PPID: variants seen among roughly 807,000 people sequenced by gnomAD.
PPID encodes the protein peptidyl-prolyl cis-trans isomerase D.
A neutral mutation model predicts 48.1 loss-of-function variants in PPID; 47 were observed. The observed-to-expected ratio is 0.98, with a 90% CI of 0.77 to 1.25. PPID has a LOEUF of 1.25. Ranked by LOEUF, PPID falls within the 50% of genes most tolerant of loss-of-function variation. PPID has a pLI of 0.00. For synonymous variants in PPID, 163 were observed against 148.8 expected, an observed-to-expected ratio of 1.10 and a Z score of -0.69; for missense variants, 429 against 443.5, an observed-to-expected ratio of 0.97 and a Z score of 0.29.
intron 1 of PPID, 116 bp from the exon 2 acceptor site, chr4:158,721,599 C>A (rs1267878528): frequency 3.2e-6 from 4 of 1,257,106 alleles, no homozygotes; most frequent in Non-Finnish European, 4.3e-6. Context: ...TTCCCCTTTA[C>A]TGTAATTTTT....
At chr4:158,712,356 C>T (rs548362564) in intron 7 of PPID, among the ~76,000 whole-genome samples, 2 of 152,294 alleles carry the variant, frequency 1.3e-5, no homozygotes, top group African/African-American at 2.4e-5. Context: ...TCCTGAATCA[C>T]TTATTAAGCT....
intron 2 of PPID, among the ~76,000 whole-genome samples, 182 bp from the exon 3 acceptor site, chr4:158,719,468 C>G (rs1774922223): frequency 1.3e-5 from 2 of 152,292 alleles, no homozygotes; most frequent in South Asian, 4.1e-4. Flanking sequence ...CATCTGAATC[C>G]AACCTATTTT....
intron 9 of PPID, 50 bp from the exon 10 acceptor site, chr4:158,709,874 T>C: frequency 6.9e-7 from 1 of 1,440,384 alleles, no homozygotes; most frequent in Non-Finnish European, 9.7e-7. Flanking sequence ...ATCCAAAAAA[T>C]TATGGTGACT....
Position 158,723,358 on chromosome 4 carries a change from A to G in PPID, c.-70T>C, listed in dbSNP as rs1297801264. 7 of 1,467,432 alleles carry G rather than the reference A, an allele frequency of 4.8e-6. No individual in the cohort carries two copies. The East Asian group carries it at 1.2e-4, about 24-fold the overall frequency. 90.9% of individuals were successfully genotyped at this position (1,467,432 alleles called of 1,614,324 possible). ...TGGCCGCCCGGGCCGCCCAAACTCC[A>G]GAGTCCGTCTCCGCCGGAGACCGGC... On this transcript the variant is annotated 5_prime_UTR_variant, in exon 1 of 10. Coordinates refer to ENST00000307720, the MANE Select transcript of PPID (RefSeq NM_005038.3).
chr4:158,722,945 G>A (rs936818714), intron 1 of PPID, among the ~76,000 whole-genome samples: 2 of 152,212 alleles, frequency 1.3e-5, no homozygotes, highest in African/African-American at 4.8e-5. Flanking sequence ...CAAATCAGGA[G>A]GCAAACCTAA....
intron 1 of PPID, 123 bp downstream of exon 1, chr4:158,723,081 A>G: frequency 1.0e-6 from 1 of 971,008 alleles, no homozygotes; most frequent in Non-Finnish European, 1.6e-6. Context: ...CAGCCTAGGC[A>G]GCCATCCCCT....
At position 158,715,419 on chromosome 4, in the gene PPID, C is replaced by CA; in HGVS notation, c.646-17dup. On this transcript the variant is annotated splice_polypyrimidine_tract_variant and intron_variant, in intron 5 of 9. Coordinates refer to ENST00000307720, the MANE Select transcript of PPID (RefSeq NM_005038.3). ...TTTTATCTACCTGTATAAAAAAATA[C>CA]AAATATGTTGGATTTTAGTAAGTAA... The CA allele has an allele frequency of 1.3e-6, 2 of 1,489,742 alleles. No homozygotes were observed. Among genetic ancestry groups the CA allele is most frequent in the Non-Finnish European group, 1.8e-6 (2 of 1,111,706 alleles). 92.3% of individuals were successfully genotyped at this position (1,489,742 alleles called of 1,614,324 possible).
intron 2 of PPID, among the ~76,000 whole-genome samples, chr4:158,720,936 G>A (rs1206348914): frequency 6.6e-6 from 1 of 152,068 alleles, no homozygotes; most frequent in African/African-American, 2.4e-5. Flanking sequence ...AGATGGTCTC[G>A]ATCTCCTGAT....
intron 7 of PPID, among the ~76,000 whole-genome samples, chr4:158,712,180 AAG>A (rs1414883396): frequency 6.6e-6 from 1 of 152,176 alleles, no homozygotes; most frequent in Non-Finnish European, 1.5e-5. Context: ...TACAACAGGG[AAG>A]AGAGTCATAA....
At position 158,723,062 on chromosome 4, in the gene PPID, C is replaced by T. The variant is rs1429774015; in HGVS notation, c.85+142G>A. The T allele has an allele frequency of 1.9e-5, 15 of 803,812 alleles. No individual in the cohort carries two copies. In the East Asian group the frequency reaches 2.1e-4, roughly 11 times the overall value. The allele number at this position is 803,812 out of a possible 1,614,324, so 49.8% of individuals were successfully genotyped here. ...CTAGCCCTAGATCTCCGGGCCTGCT[C>T]CGGCGGACCAGCCTAGGCAGCCATC... On this transcript the variant is annotated intron_variant, in intron 1 of 9. Transcript: ENST00000307720.
rs768561672 is a variant in PPID at position 158,723,235 on chromosome 4, G to C, written c.54C>G (p.Val18=). 10 of 1,613,926 alleles carry C rather than the reference G, an allele frequency of 6.2e-6. No homozygotes were observed. The African/African-American group carries it at 9.3e-5, about 15-fold the overall frequency. Reference sequence around the variant, plus strand: ...CCCCTCCGATGTCCACGTCAAAGAAGACTCGAGGGTTACTGGGGTTGGAGG... The same window carrying C: ...CCCCTCCGATGTCCACGTCAAAGAACACTCGAGGGTTACTGGGGTTGGAGG... ...AKPSNPSNPR[V]FFDVDIGGER... is the part of the protein sequence containing the mutation. Residue 18 remains valine, a synonymous_variant, in exon 1 of 10, where the codon GTC becomes GTG. Transcript: ENST00000307720.
chr4:158,710,128 C>G lies in PPID; in HGVS notation c.1025-304G>C, dbSNP rs1580427600. ...CAAAGACATTTTGTAATACCCAGAT[C>G]TAGTGTCACTATTCATAGTTGGTTT... On this transcript the variant is annotated intron_variant, in intron 9 of 9. Coordinates refer to ENST00000307720, the MANE Select transcript of PPID (RefSeq NM_005038.3). 9 of 384,178 alleles carry G rather than the reference C, an allele frequency of 2.3e-5. No homozygotes were observed. In the East Asian group the frequency reaches 4.9e-4, roughly 21 times the overall value. 23.8% of individuals were successfully genotyped at this position (384,178 alleles called of 1,614,324 possible). A position where few individuals can be genotyped will look rare whatever the true frequency, so the allele number is the denominator to read the frequency against.
chr4:158,721,627 GAACAC>G (rs1774961427), intron 1 of PPID, 144 bp from the exon 2 acceptor site: 5 of 834,692 alleles, frequency 6.0e-6, no homozygotes, highest in African/African-American at 1.7e-5. Context: ...GCAATTTCAA[GAACAC>G]AACACATTGC....
rs761231161 is a variant in PPID, at chr4:158,721,387, G to C, written c.182C>G (p.Thr61Arg). The C allele has an allele frequency of 1.2e-5, 19 of 1,613,956 alleles. No homozygotes were observed. Among genetic ancestry groups the C allele is most frequent in the Non-Finnish European group, 1.6e-5 (19 of 1,179,974 alleles). ...TTTGAAATGGAGAGGTTTCCCAGTC[G>C]TGTGTCCAATGCCTTTTTCTCCTGT... ...LCTGEKGIGH[T>R]TGKPLHFKGC... Residue 61 changes from threonine (T) to arginine (R), a missense_variant, in exon 2 of 10, where the codon ACG (threonine) becomes AGG (arginine). Thr to Arg is a moderately conservative substitution (Grantham distance 71). Transcript: ENST00000307720.
At position 158,709,611 on chromosome 4, in the gene PPID, TGTAAACA is replaced by T. The variant is rs1774743033; in HGVS notation, c.*118_*124del. 1.5e-6 allele frequency: 1 copy of T among 666,150 alleles called. No individual in the cohort carries two copies. Among genetic ancestry groups the T allele is most frequent in the South Asian group, 2.0e-5 (1 of 50,462 alleles). The allele number at this position is 666,150 out of a possible 1,614,324, so 41.3% of individuals were successfully genotyped here. ...TGAACCCCTATCAGTACTCCTAAAC[TGTAAACA>T]GTAAGGAACTAAGGTGTCAAAAGAA... On this transcript the variant is annotated 3_prime_UTR_variant, in exon 10 of 10. Transcript: ENST00000307720.
intron 3 of PPID, 79 bp downstream of exon 3, chr4:158,719,101 T>A (rs997505072): frequency 5.1e-5 from 45 of 877,720 alleles, no homozygotes; most frequent in Non-Finnish European, 5.9e-5. Flanking sequence ...GAAACATTTT[T>A]TGGTGTCTTA....
At chr4:158,720,936 G>C (rs1206348914) in intron 2 of PPID, among the ~76,000 whole-genome samples, 2 of 151,950 alleles carry the variant, frequency 1.3e-5, no homozygotes, top group East Asian at 1.9e-4. Flanking sequence ...AGATGGTCTC[G>C]ATCTCCTGAT....
At position 158,709,795 on chromosome 4, in the gene PPID, G is replaced by T; in HGVS notation, c.1054C>A (p.Gln352Lys). 6.2e-7 allele frequency: 1 copy of T among 1,611,196 alleles called. No individual in the cohort carries two copies. The change falls in exon 10 of 10, where the codon CAA (glutamine) becomes AAA (lysine). Residue 352 changes from glutamine (Q) to lysine (K), a missense_variant. Coordinates refer to ENST00000307720, the MANE Select transcript of PPID (RefSeq NM_005038.3). ...TTATCTTTCTGTGCCTTTATCTTTT[G>T]TTTGACTTTCAGCAATTCTGCCTGG... ...AIQAELLKVK[Q>K]KIKAQKDKEK... is the part of the protein sequence containing the mutation.
chr4:158,714,811 A>G (rs770395492), intron 6 of PPID, among the ~76,000 whole-genome samples: 19 of 152,160 alleles, frequency 1.2e-4, no homozygotes, highest in Non-Finnish European at 1.9e-4. Context: ...GCTGGTCTCG[A>G]ACTCCCGACC....
Sources: gnomAD v4.1 joint callset for allele counts (sites outside exome capture counted in the v4.1 genomes callset) on GRCh38, gnomAD v4.1.1 for gene constraint, MANE v1.5 for transcripts, NCBI Gene and HGNC (gene_info 2026-07-23, HGNC 2026-07-21) for gene names.